Variants in GYS1 observed in about 807,000 individuals in gnomAD.
The protein encoded by GYS1 is glycogen [starch] synthase, muscle.
Under a neutral mutation model 89.1 loss-of-function variants are expected in GYS1, and 60 were observed. The observed-to-expected ratio is 0.67, with a 90% CI of 0.55 to 0.84. GYS1 has a LOEUF of 0.84. Among genes scored for constraint, GYS1 ranks in the 40% least tolerant of loss-of-function variants. GYS1 has a pLI of 0.00. For synonymous variants in GYS1, 366 were observed against 401.7 expected, an observed-to-expected ratio of 0.91 and a Z score of 1.06; for missense variants, 888 against 1,003.1, an observed-to-expected ratio of 0.89 and a Z score of 1.55.
At chr19:48,980,773 T>C (rs963960028) in intron 8 of GYS1, among the ~76,000 whole-genome samples, 5 of 150,928 alleles carry the variant, frequency 3.3e-5, no homozygotes, top group African/African-American at 9.8e-5. Context: ...TGAGGTCAGG[T>C]GTTCAAGATC....
Position 48,969,280 on chromosome 19 carries a change from G to C in GYS1, c.*8C>G, listed in dbSNP as rs1201149188. ...GGCAGGACAGGCGGGGAGTGTGGTG[G>C]GGCGGACTTAGTTACGCTCCTCGCC... On this transcript the variant is annotated 3_prime_UTR_variant, in exon 16 of 16. Coordinates refer to ENST00000323798, the MANE Select transcript of GYS1 (RefSeq NM_002103.5). 6.5e-7 allele frequency: 1 copy of C among 1,537,462 alleles called. No individual in the cohort carries two copies. Among genetic ancestry groups the C allele is most frequent in the Non-Finnish European group, 8.7e-7 (1 of 1,148,214 alleles).
intron 10 of GYS1, 79 bp from the exon 11 acceptor site, chr19:48,974,812 T>C: frequency 9.9e-7 from 1 of 1,006,230 alleles, no homozygotes; most frequent in Non-Finnish European, 1.6e-6. Context: ...ATGCGGACCC[T>C]GGGGGAGCCA....
chr19:48,982,401 A>T (rs1221369833), intron 6 of GYS1, 26 bp from the exon 7 acceptor site: 1 of 1,613,438 alleles, frequency 6.2e-7, no homozygotes, highest in African/African-American at 1.3e-5. Flanking sequence ...GGCACGGTAA[A>T]GCCCAAAGCC....
At chr19:48,990,799 T>TGGCA (rs2038913842) in intron 2 of GYS1, among the ~76,000 whole-genome samples, 1 of 152,190 alleles carries the variant, frequency 6.6e-6, no homozygotes, top group Non-Finnish European at 1.5e-5. Flanking sequence ...CCTGGCTGGC[T>TGGCA]GGCATTCTTT....
chr19:48,985,282 C>T (rs1022833129), intron 5 of GYS1, among the ~76,000 whole-genome samples, 179 bp downstream of exon 5: 5 of 152,210 alleles, frequency 3.3e-5, no homozygotes, highest in African/African-American at 1.2e-4. Flanking sequence ...AGTGGTTCTC[C>T]TGCCTTGGCC....
intron 14 of GYS1, 79 bp downstream of exon 14, chr19:48,970,467 G>A: frequency 1.7e-6 from 2 of 1,193,854 alleles, no homozygotes; most frequent in Non-Finnish European, 2.5e-6. Flanking sequence ...AGTAGGATGA[G>A]ACCCTGCACC....
intron 4 of GYS1, 67 bp downstream of exon 4, chr19:48,985,783 G>A: frequency 6.3e-7 from 1 of 1,578,398 alleles, no homozygotes; most frequent in East Asian, 2.2e-5. Context: ...CATCCCCTTG[G>A]GCCCCCCAGA....
intron 2 of GYS1, among the ~76,000 whole-genome samples, chr19:48,989,771 G>T (rs1362491438): frequency 6.6e-6 from 1 of 152,138 alleles, no homozygotes; most frequent in African/African-American, 2.4e-5. Flanking sequence ...GTGCCCCAGG[G>T]CTGCATTTTT....
intron 12 of GYS1, among the ~76,000 whole-genome samples, chr19:48,971,861 CTTTTT>C (rs540518757): frequency 7.2e-6 from 1 of 137,960 alleles, no homozygotes; most frequent in Non-Finnish European, 1.6e-5. Flanking sequence ...TGGCCCAATG[CTTTTT>C]TTTTTTTTTT....
At chr19:48,976,436 A>G (rs2038652762) in intron 10 of GYS1, among the ~76,000 whole-genome samples, 1 of 152,112 alleles carries the variant, frequency 6.6e-6, no homozygotes, top group South Asian at 2.1e-4. Flanking sequence ...CCTAGACTCA[A>G]TAGAATGACG....
At position 48,975,236 on chromosome 19, in the gene GYS1, T is replaced by TA. The variant is rs1359319322; in HGVS notation, c.1309-504_1309-503insT. 3.4e-5 allele frequency among the ~76,000 whole-genome samples: 5 copies of TA among 149,144 alleles called. No individual in the cohort carries two copies. In the South Asian group the frequency reaches 8.4e-4, roughly 25 times the overall value. On this transcript the variant is annotated intron_variant, in intron 10 of 15. Transcript: ENST00000323798. ...GTGAGCCATTGCGCTCAGCCTAATT[T>TA]TTTTTTTTTTTTTTTTTAATAGAGA... is the stretch of plus-strand genomic sequence containing the variant.
Position 48,968,991 on chromosome 19 carries a change from C to A in GYS1, c.*297G>T. 1.6e-6 allele frequency: 1 copy of A among 618,306 alleles called. No homozygotes were observed. Among genetic ancestry groups the A allele is most frequent in the Non-Finnish European group, 3.0e-6 (1 of 332,062 alleles). The allele number at this position is 618,306 out of a possible 1,614,324, so 38.3% of individuals were successfully genotyped here. A position where few individuals can be genotyped will look rare whatever the true frequency, so the allele number is the denominator to read the frequency against. On this transcript the variant is annotated 3_prime_UTR_variant, in exon 16 of 16. Coordinates refer to ENST00000323798, the MANE Select transcript of GYS1 (RefSeq NM_002103.5). ...ATGCCAGGTTTCCTAAAACCTCTGG[C>A]ACCACCGCAGAGTAATGGCAGATTC...
At position 48,993,132 on chromosome 19, in the gene GYS1, G is replaced by A. The variant is rs1365513237; in HGVS notation, c.-20C>T. 1.4e-6 allele frequency: 2 copies of A among 1,382,308 alleles called. No homozygotes were observed. Among genetic ancestry groups the A allele is most frequent in the East Asian group, 2.3e-5 (1 of 43,768 alleles). 85.6% of individuals were successfully genotyped at this position (1,382,308 alleles called of 1,614,324 possible). A position where few individuals can be genotyped will look rare whatever the true frequency, so the allele number is the denominator to read the frequency against. On this transcript the variant is annotated 5_prime_UTR_variant, in exon 1 of 16. Coordinates refer to ENST00000323798, the MANE Select transcript of GYS1 (RefSeq NM_002103.5). ...AGGCATGGCTGGCGCAGGAAGGGGGGCTCCGGGGATCTCCAGGTAGGGACC... is the reference window on the plus strand; with the variant it reads ...AGGCATGGCTGGCGCAGGAAGGGGGACTCCGGGGATCTCCAGGTAGGGACC...
At chr19:48,987,146 G>T in intron 3 of GYS1, 48 bp downstream of exon 3, 2 of 1,340,690 alleles carry the variant, frequency 1.5e-6, no homozygotes, top group Non-Finnish European at 2.1e-6. Context: ...AGGGGCTGAT[G>T]GTCATTGTAG....
chr19:48,970,203 C>G, intron 14 of GYS1: 1 of 457,070 alleles, frequency 2.2e-6, no homozygotes, highest in African/African-American at 2.0e-5. Context: ...AGGCTCACTG[C>G]AGCCTCAACC....
In GYS1 at chr19:48,991,581, C is replaced by A; in HGVS notation, c.119-98G>T. The A allele has an allele frequency of 7.6e-7, 1 of 1,318,098 alleles. No homozygotes were observed. Among genetic ancestry groups the A allele is most frequent in the Non-Finnish European group, 1.1e-6 (1 of 923,122 alleles). 81.7% of individuals were successfully genotyped at this position (1,318,098 alleles called of 1,614,324 possible). ...GGGGATGTAGGGGGCACTCAGGCCCCAGACCTCTAGCTCAGGGGGAAGAGG... is the reference window on the plus strand; with the variant it reads ...GGGGATGTAGGGGGCACTCAGGCCCAAGACCTCTAGCTCAGGGGGAAGAGG... On this transcript the variant is annotated intron_variant, in intron 1 of 15. Coordinates refer to ENST00000323798, the MANE Select transcript of GYS1 (RefSeq NM_002103.5). The surrounding 1 kb of genome is among the most constrained non-coding windows in gnomAD (Gnocchi z 4.7).
intron 5 of GYS1, 133 bp downstream of exon 5, chr19:48,985,328 T>C (rs2038824651): frequency 3.4e-6 from 3 of 888,130 alleles, no homozygotes; most frequent in South Asian, 1.4e-5. Flanking sequence ...TGAGCCACCA[T>C]GCCCAGCCGA....
At chr19:48,981,672 T>C (rs772531465) in intron 7 of GYS1, 36 bp from the exon 8 acceptor site, 21 of 1,332,454 alleles carry the variant, frequency 1.6e-5, no homozygotes, top group Non-Finnish European at 2.1e-5. Context: ...GCCAGGATCA[T>C]GTGGGGGAAG....
rs1382948747 is a variant in GYS1, at chr19:48,985,454, C to T, written c.823+7G>A. Reference sequence around the variant, plus strand: ...TTCACGTCTGGGGACTTCAGCCCAGCCCCTACCTGGTTTCCTCTTGAGCAA... The same window carrying T: ...TTCACGTCTGGGGACTTCAGCCCAGTCCCTACCTGGTTTCCTCTTGAGCAA... On this transcript the variant is annotated splice_region_variant and intron_variant, in intron 5 of 15. Transcript: ENST00000323798. The T allele has an allele frequency of 1.2e-6, 2 of 1,613,174 alleles. No homozygotes were observed. Among genetic ancestry groups the T allele is most frequent in the Non-Finnish European group, 1.7e-6 (2 of 1,179,958 alleles).
Sources: allele counts gnomAD v4.1 joint callset (sites outside exome capture counted in the v4.1 genomes callset), GRCh38; gene constraint gnomAD v4.1.1; non-coding constraint Gnocchi (gnomAD v3.1); transcripts MANE v1.5; gene names NCBI Gene and HGNC (gene_info 2026-07-23, HGNC 2026-07-21).